The following ASCC3 variants were observed in gnomAD, a reference collection of about 807,000 sequenced individuals.
ASCC3 encodes activating signal cointegrator 1 complex subunit 3, also known as ASC-1 complex subunit P200.
ASCC3 carries 158 observed loss-of-function variants against 256.3 expected under a neutral mutation model. The observed-to-expected ratio is 0.62, with a 90% CI of 0.54 to 0.70. The LOEUF is 0.70. ASCC3 is among the 30% of genes least tolerant of loss of function. The pLI is 0.00. For synonymous variants in ASCC3, 948 were observed against 883.4 expected (o/e 1.07, Z -1.30); for missense variants, 2,259 against 2,626.0 (o/e 0.86, Z 3.05).
At chr6:100,741,377 T>C (rs1461671606) in intron 10 of ASCC3, among the ~76,000 whole-genome samples, 2 of 152,124 alleles carry the variant, frequency 1.3e-5, no homozygotes, top group African/African-American at 4.8e-5. Context: ...GATCTTCTCA[T>C]GGATTATCTT....
At chr6:100,629,549 G>T (rs1297823880) in intron 26 of ASCC3, among the ~76,000 whole-genome samples, 1 of 151,950 alleles carries the variant, frequency 6.6e-6, no homozygotes, top group African/African-American at 2.4e-5. Flanking sequence ...TTTAATGAAG[G>T]AAAGTGTTAC....
chr6:100,533,991 A>C (rs183481892), intron 37 of ASCC3, among the ~76,000 whole-genome samples: 1 of 152,320 alleles, frequency 6.6e-6, no homozygotes, highest in East Asian at 1.9e-4. Flanking sequence ...TTGATAAAAA[A>C]CAGTGTCAGG....
chr6:100,870,268 G>A (rs1186284583), intron 1 of ASCC3, among the ~76,000 whole-genome samples: 1 of 151,614 alleles, frequency 6.6e-6, no homozygotes, highest in Non-Finnish European at 1.5e-5. Flanking sequence ...GGAGGCTGAT[G>A]CATGAGAATC....
At chr6:100,814,641 G>C (rs567531016) in intron 4 of ASCC3, among the ~76,000 whole-genome samples, 5 of 152,206 alleles carry the variant, frequency 3.3e-5, no homozygotes, top group Non-Finnish European at 7.4e-5. Flanking sequence ...TCTGTCTAGG[G>C]AATCAATGTC....
rs942407501 is a variant in ASCC3 at position 100,640,427 on chromosome 6, T to C, written c.3902-1606A>G. 1.2e-4 allele frequency among the ~76,000 whole-genome samples: 19 copies of C among 152,144 alleles called. 1 individual carries two copies. The highest frequency in any genetic ancestry group is 1.9e-4 in the Non-Finnish European group (13 of 68,012). The stretch of plus-strand genomic sequence containing the variant: ...CTGAGATGTTATGGTGGTACATTTA[T>C]TGTTTTTAAAATTGTAGTCAGAACT... On this transcript the variant is annotated intron_variant, in intron 24 of 41. Coordinates refer to ENST00000369162, the MANE Select transcript of ASCC3 (RefSeq NM_006828.4).
rs142662127 is a variant in ASCC3 at position 100,563,585 on chromosome 6, G to T, written c.5551-23198C>A. Among the ~76,000 whole-genome samples the T allele has an allele frequency of 2.2e-3, 338 of 152,202 alleles. 2 individuals carry two copies. Among genetic ancestry groups the T allele is most frequent in the Middle Eastern group, 0.014 (4 of 294 alleles). ...GGGAAGGAGGCATTCCTCGCACGTG[G>T]ATTAGCATGAGCTTCATGAGGGATT... On this transcript the variant is annotated intron_variant, in intron 36 of 41. Transcript: ENST00000369162.
At position 100,768,231 on chromosome 6, in the gene ASCC3, T is replaced by C. The variant is rs1781757021; in HGVS notation, c.1396-886A>G. Among the ~76,000 whole-genome samples, 2 of 152,192 alleles carry C rather than the reference T, an allele frequency of 1.3e-5. 1 individual carries two copies. The highest frequency in any genetic ancestry group is 1.3e-4 in the Admixed American group (2 of 15,274). On this transcript the variant is annotated intron_variant, in intron 8 of 41. Transcript: ENST00000369162. ...ATGTGCAGGTGTAGAATATACGATA[T>C]TATTTTGTTTAATCCTCAAAACAAT...
intron 4 of ASCC3, among the ~76,000 whole-genome samples, chr6:100,840,291 A>G (rs1772074967): frequency 6.6e-6 from 1 of 152,136 alleles, no homozygotes; most frequent in African/African-American, 2.4e-5. Context: ...GTACATTCAA[A>G]AAGTTTATAT....
chr6:100,870,425 T>A (rs17061209), intron 1 of ASCC3, among the ~76,000 whole-genome samples: 29,999 of 151,788 alleles, frequency 0.2, 3,245 homozygotes, highest in African/African-American at 0.26. Context: ...TTCCTTTTTT[T>A]AAAAATGACA....
At chr6:100,774,452 G>A (rs541574825) in intron 8 of ASCC3, among the ~76,000 whole-genome samples, 3 of 151,974 alleles carry the variant, frequency 2.0e-5, no homozygotes, top group South Asian at 2.1e-4. Flanking sequence ...GGCAACCTCC[G>A]CCTCCCAGGT....
At chr6:100,584,836 G>C (rs540875110) in intron 36 of ASCC3, among the ~76,000 whole-genome samples, 295 of 152,054 alleles carry the variant, frequency 1.9e-3, no homozygotes, top group African/African-American at 4.6e-3. Flanking sequence ...TTCTCCTTCA[G>C]TTATGAAGCT....
At chr6:100,729,322 G>A (rs1464819885) in intron 10 of ASCC3, among the ~76,000 whole-genome samples, 1 of 152,036 alleles carries the variant, frequency 6.6e-6, no homozygotes, top group Admixed American at 6.6e-5. Flanking sequence ...GAACAGAGAA[G>A]GCATTTTATG....
chr6:100,530,176 CT>C, intron 37 of ASCC3: 1 of 626,082 alleles, frequency 1.6e-6, no homozygotes, highest in South Asian at 1.8e-5. Context: ...ATGTGTTTTC[CT>C]TTCATGAATT....
chr6:100,634,866 A>G (rs1020912555), intron 25 of ASCC3, among the ~76,000 whole-genome samples: 29 of 62,138 alleles, frequency 4.7e-4, no homozygotes, highest in Admixed American at 2.2e-3. Flanking sequence ...TCAAAAAACA[A>G]AAAAAAAAAA....
intron 13 of ASCC3, among the ~76,000 whole-genome samples, chr6:100,698,669 T>C (rs1341930658): frequency 6.6e-6 from 1 of 152,118 alleles, no homozygotes; most frequent in East Asian, 1.9e-4. Context: ...AGAGCAAATT[T>C]ACATAAAAAA....
At chr6:100,699,040 T>C (rs1313192143) in intron 13 of ASCC3, among the ~76,000 whole-genome samples, 5 of 152,144 alleles carry the variant, frequency 3.3e-5, no homozygotes, top group African/African-American at 2.4e-5. Flanking sequence ...ATATATGACA[T>C]TGGTCCCATA....
At chr6:100,826,832 TA>T (rs1186030212) in intron 4 of ASCC3, among the ~76,000 whole-genome samples, 1 of 152,240 alleles carries the variant, frequency 6.6e-6, no homozygotes, top group African/African-American at 2.4e-5. Context: ...AACTGTATTT[TA>T]CCAGTCTACA....
At chr6:100,767,057 G>C in intron 9 of ASCC3, 88 bp downstream of exon 9, 1 of 1,317,152 alleles carries the variant, frequency 7.6e-7, no homozygotes, top group Admixed American at 1.9e-5. Context: ...ATATCTTTAA[G>C]AACTTTCAAA....
At chr6:100,523,750 T>C (rs1774421125) in intron 37 of ASCC3, among the ~76,000 whole-genome samples, 1 of 152,198 alleles carries the variant, frequency 6.6e-6, no homozygotes, top group Admixed American at 6.5e-5. Context: ...AGAACAGTTT[T>C]ATCCAAACCT....
Sources: gnomAD v4.1 joint callset for allele counts (sites outside exome capture counted in the v4.1 genomes callset) on GRCh38, gnomAD v4.1.1 for gene constraint, MANE v1.5 for transcripts, NCBI Gene and HGNC (gene_info 2026-07-23, HGNC 2026-07-21) for gene names.